IL1RAP: variants seen among roughly 807,000 people sequenced by gnomAD.
IL1RAP encodes the protein interleukin 1 receptor accessory protein.
IL1RAP carries 35 observed loss-of-function variants against 60.7 expected under a neutral mutation model. The observed-to-expected ratio is 0.58, with a 90% CI of 0.44 to 0.76. The LOEUF is 0.76. Among genes scored for constraint, IL1RAP ranks in the 30% least tolerant of loss-of-function variants. The pLI, the probability that IL1RAP is intolerant of heterozygous loss-of-function variation, is 0.00. For missense variants in IL1RAP, 572 were observed against 693.9 expected, an observed-to-expected ratio of 0.82 and a Z score of 1.97; for synonymous variants, 268 against 250.9, an observed-to-expected ratio of 1.07 and a Z score of -0.64.
chr3:190,536,982 AGAG>A (rs1485085823), intron 1 of IL1RAP, among the ~76,000 whole-genome samples: 1 of 152,170 alleles, frequency 6.6e-6, no homozygotes, highest in Non-Finnish European at 1.5e-5. Flanking sequence ...TGCCAAAGGG[AGAG>A]GAGAAGGGGC....
At position 190,648,792 on chromosome 3, in the gene IL1RAP, T is replaced by A; in HGVS notation, c.*87T>A. The A allele has an allele frequency of 6.7e-7, 1 of 1,490,668 alleles. No individual in the cohort carries two copies. The highest frequency in any genetic ancestry group is 2.0e-4 in the Middle Eastern group (1 of 5,118). 92.3% of individuals were successfully genotyped at this position (1,490,668 alleles called of 1,614,324 possible). A position where few individuals can be genotyped will look rare whatever the true frequency, so the allele number is the denominator to read the frequency against. ...TCTTCATTCGCAGTTTATGGTTTCATAGGCAAAAATAATGGTCTAAGCCTC... is the reference window on the plus strand; with the variant it reads ...TCTTCATTCGCAGTTTATGGTTTCAAAGGCAAAAATAATGGTCTAAGCCTC... On this transcript the variant is annotated 3_prime_UTR_variant, in exon 12 of 12. Transcript: ENST00000447382.
At chr3:190,570,469 T>C (rs1232128967) in intron 3 of IL1RAP, among the ~76,000 whole-genome samples, 1 of 152,244 alleles carries the variant, frequency 6.6e-6, no homozygotes, top group East Asian at 1.9e-4. Flanking sequence ...TAAATAGCAC[T>C]TTTCTGCAGT....
At position 190,651,250 on chromosome 3, in the gene IL1RAP, G is replaced by A. The variant is rs1734380815; in HGVS notation, c.*2545G>A. 3 of 972,732 alleles carry A rather than the reference G, an allele frequency of 3.1e-6. No homozygotes were observed. The highest frequency in any genetic ancestry group is 1.8e-5 in the African/African-American group (1 of 56,924). The allele number at this position is 972,732 out of a possible 1,614,324, so 60.3% of individuals were successfully genotyped here. A position where few individuals can be genotyped will look rare whatever the true frequency, so the allele number is the denominator to read the frequency against. On this transcript the variant is annotated 3_prime_UTR_variant, in exon 12 of 12. Coordinates refer to ENST00000447382, the MANE Select transcript of IL1RAP (RefSeq NM_002182.4). ...TTAACAAAGAACTGTGATATATAGA[G>A]TGTCTAATTACAAAATCATATACGA... is the stretch of plus-strand genomic sequence containing the variant.
At chr3:190,587,783 C>T (rs1177972106) in intron 3 of IL1RAP, among the ~76,000 whole-genome samples, 2 of 152,140 alleles carry the variant, frequency 1.3e-5, no homozygotes, top group African/African-American at 2.4e-5. Context: ...CTGAGTAAGA[C>T]CTGAGAACCT....
intron 1 of IL1RAP, among the ~76,000 whole-genome samples, chr3:190,535,525 A>G (rs1015653973): frequency 2.0e-5 from 3 of 152,152 alleles, no homozygotes; most frequent in African/African-American, 7.2e-5. Context: ...TACCTCCTCC[A>G]AACAACAGCA....
chr3:190,632,143 G>T (rs1732843545), intron 9 of IL1RAP, among the ~76,000 whole-genome samples: 1 of 152,188 alleles, frequency 6.6e-6, no homozygotes, highest in Non-Finnish European at 1.5e-5. Flanking sequence ...CTAAGGCAAG[G>T]TATCTGTTTA....
intron 3 of IL1RAP, among the ~76,000 whole-genome samples, chr3:190,582,724 G>A (rs547474451): frequency 6.6e-6 from 1 of 152,148 alleles, no homozygotes; most frequent in Admixed American, 6.5e-5. Context: ...ATTTCAAATT[G>A]TAAATTAAAT....
At chr3:190,644,139 A>C (rs1577816796) in intron 9 of IL1RAP, 109 bp from the exon 10 acceptor site, 1 of 1,466,174 alleles carries the variant, frequency 6.8e-7, no homozygotes, top group East Asian at 2.5e-5. Context: ...GTTCATACAT[A>C]GGCAGGTGCA....
At chr3:190,555,795 T>C (rs972894185) in intron 1 of IL1RAP, 1 of 152,190 alleles carries the variant, frequency 6.6e-6, no homozygotes, top group African/African-American at 2.4e-5. Context: ...GCTGAGTGAA[T>C]TAAAAGTAGT....
chr3:190,621,231 A>G (rs1731752029), intron 6 of IL1RAP, among the ~76,000 whole-genome samples: 1 of 152,240 alleles, frequency 6.6e-6, no homozygotes. Context: ...AGAGACACTC[A>G]GTGAGTTACT....
At chr3:190,599,693 T>C (rs1407342358) in intron 3 of IL1RAP, among the ~76,000 whole-genome samples, 2 of 149,668 alleles carry the variant, frequency 1.3e-5, no homozygotes, top group Non-Finnish European at 3.0e-5. Context: ...ACTTTCTTGG[T>C]ATTTTGGGTT....
intron 1 of IL1RAP, among the ~76,000 whole-genome samples, chr3:190,526,978 G>A (rs911389932): frequency 2.6e-5 from 4 of 152,240 alleles, no homozygotes; most frequent in African/African-American, 7.2e-5. Context: ...CAGCATGAGA[G>A]CAAAAGGTGC....
chr3:190,652,405 T>TGAGCTGAGATTGCACC (rs1228703131), downstream of IL1RAP, among the ~76,000 whole-genome samples: 1 of 150,588 alleles, frequency 6.6e-6, no homozygotes, highest in African/African-American at 2.5e-5. Flanking sequence ...GAGATTGCAG[T>TGAGCTGAGATTGCACC]GAGCTGAGAT....
intron 1 of IL1RAP, among the ~76,000 whole-genome samples, chr3:190,553,176 G>C (rs111659134): frequency 6.6e-6 from 1 of 152,154 alleles, no homozygotes; most frequent in Non-Finnish European, 1.5e-5. Flanking sequence ...CCCCGAGGAC[G>C]TACAACAAGA....
intron 4 of IL1RAP, among the ~76,000 whole-genome samples, chr3:190,605,675 T>C (rs564216036): frequency 6.6e-6 from 1 of 152,274 alleles, no homozygotes; most frequent in South Asian, 2.1e-4. Context: ...TTGATGCCTC[T>C]CTCCTTGGCT....
intron 1 of IL1RAP, among the ~76,000 whole-genome samples, chr3:190,532,127 G>A (rs756258216): frequency 1.3e-4 from 20 of 152,086 alleles, no homozygotes; most frequent in Non-Finnish European, 1.9e-4. Flanking sequence ...ATGAGTTTTG[G>A]CCTAATTGCT....
chr3:190,621,734 G>C (rs572315631), intron 6 of IL1RAP, among the ~76,000 whole-genome samples: 14 of 148,018 alleles, frequency 9.5e-5, no homozygotes, highest in Non-Finnish European at 1.8e-4. Context: ...GTGAAACTGC[G>C]ATATGAGTTT....
chr3:190,566,696 T>C (rs1560174480), intron 3 of IL1RAP, among the ~76,000 whole-genome samples: 1 of 152,186 alleles, frequency 6.6e-6, no homozygotes, highest in Non-Finnish European at 1.5e-5. Context: ...AGAGGTGTAT[T>C]GTGTCTGACA....
rs1729699403 is a variant in IL1RAP, at chr3:190,599,765, A to G, written c.65-4363A>G. 2.1e-5 allele frequency among the ~76,000 whole-genome samples: 3 copies of G among 145,788 alleles called. No homozygotes were observed. In the Middle Eastern group the frequency reaches 0.011, roughly 548 times the overall value. On this transcript the variant is annotated intron_variant, in intron 3 of 11. Coordinates refer to ENST00000447382, the MANE Select transcript of IL1RAP (RefSeq NM_002182.4). ...TCTTATTGAGTGATTGAGATTCCTG[A>G]AGTGGGCTTCTAACTTTCTTATCTA...
Sources: gnomAD v4.1 joint callset for allele counts (sites outside exome capture counted in the v4.1 genomes callset) on GRCh38, gnomAD v4.1.1 for gene constraint, MANE v1.5 for transcripts, NCBI Gene and HGNC (gene_info 2026-07-23, HGNC 2026-07-21) for gene names.